Variants in KCNN2 observed in about 807,000 individuals in gnomAD.
KCNN2 encodes the protein small conductance calcium-activated potassium channel protein 2.
A neutral mutation model predicts 55.5 loss-of-function variants in KCNN2; 24 were observed. The ratio of observed to expected loss-of-function variants is 0.43; its 90% CI spans 0.31 to 0.61. The LOEUF (loss-of-function observed/expected upper bound fraction) is 0.61. KCNN2 is among the 20% of genes least tolerant of loss of function. KCNN2 has a pLI of 0.08. For synonymous variants in KCNN2, 431 were observed against 336.1 expected (o/e 1.28, Z -3.09); for missense variants, 754 against 853.6 (o/e 0.88, Z 1.45).
chr5:114,419,936 T>A (rs1358768631), intron 3 of KCNN2, among the ~76,000 whole-genome samples: 1 of 152,204 alleles, frequency 6.6e-6, no homozygotes, highest in Non-Finnish European at 1.5e-5. Context: ...AGTTTGAGGC[T>A]GCAATGAGCT....
intron 2 of KCNN2, among the ~76,000 whole-genome samples, chr5:114,365,803 G>T (rs1297199479): frequency 3.9e-5 from 6 of 152,162 alleles, no homozygotes; most frequent in Non-Finnish European, 7.3e-5. Flanking sequence ...GTTTTGTTTG[G>T]AGGACAGAGT....
Position 114,442,278 on chromosome 5 carries a change from G to GTATA in KCNN2, c.1638-20766_1638-20763dup, listed in dbSNP as rs137996066. On this transcript the variant is annotated intron_variant, in intron 3 of 7. Coordinates refer to ENST00000673685, the MANE Select transcript of KCNN2 (RefSeq NM_021614.4). ...TATATATAATTTTCATATATTTACT[G>GTATA]TATATATAGAGAGAGAGAGTCAATA... Among the ~76,000 whole-genome samples the GTATA allele has an allele frequency of 7.3e-5, 11 of 150,454 alleles. No homozygotes were observed. The South Asian group carries it at 2.3e-3, about 32-fold the overall frequency.
intron 3 of KCNN2, among the ~76,000 whole-genome samples, chr5:114,424,529 G>A (rs962115120): frequency 5.3e-5 from 8 of 152,246 alleles, no homozygotes; most frequent in Non-Finnish European, 7.3e-5. Flanking sequence ...AGACACTGGA[G>A]CAGGCCTAAA....
At chr5:114,346,234 G>A (rs1333422972) in intron 2 of KCNN2, among the ~76,000 whole-genome samples, 1 of 152,110 alleles carries the variant, frequency 6.6e-6, no homozygotes, top group South Asian at 2.1e-4. Context: ...CAAGCCATGC[G>A]ACGACAACAC....
chr5:114,304,360 G>A (rs1030054894), intron 2 of KCNN2, among the ~76,000 whole-genome samples: 3 of 152,158 alleles, frequency 2.0e-5, no homozygotes, highest in Non-Finnish European at 4.4e-5. Flanking sequence ...AACTTCTTTA[G>A]GCCTTTTGGC....
intron 4 of KCNN2, among the ~76,000 whole-genome samples, chr5:114,472,259 TCACAACTTGGAATGAGCA>T (rs1761779267): frequency 6.6e-6 from 1 of 152,124 alleles, no homozygotes; most frequent in East Asian, 1.9e-4. Flanking sequence ...CAGAAGACTC[TCACAACTTGGAATGAGCA>T]CACCTTGATC....
chr5:114,124,660 G>A (rs1330704324), intron 1 of KCNN2, among the ~76,000 whole-genome samples: 1 of 152,102 alleles, frequency 6.6e-6, no homozygotes, highest in East Asian at 1.9e-4. Context: ...CCTGGTCTTT[G>A]GAAGACAGTT....
intron 6 of KCNN2, 83 bp downstream of exon 6, chr5:114,487,260 A>G: frequency 4.8e-6 from 6 of 1,253,728 alleles, no homozygotes; most frequent in Non-Finnish European, 6.8e-6. Context: ...TTTCATAAGG[A>G]AGGAAAAAAG....
At chr5:114,366,436 G>GA (rs1757605180) in intron 2 of KCNN2, among the ~76,000 whole-genome samples, 2 of 152,072 alleles carry the variant, frequency 1.3e-5, no homozygotes. Flanking sequence ...TTTTTACTCG[G>GA]TGTATTATCT....
At chr5:114,272,125 C>G (rs535981029) in intron 2 of KCNN2, among the ~76,000 whole-genome samples, 1 of 152,070 alleles carries the variant, frequency 6.6e-6, no homozygotes, top group Non-Finnish European at 1.5e-5. Flanking sequence ...AAACACAATA[C>G]CTTCCCTCAA....
At chr5:114,173,295 GT>G (rs1306969135) in intron 1 of KCNN2, among the ~76,000 whole-genome samples, 1 of 152,006 alleles carries the variant, frequency 6.6e-6, no homozygotes, top group African/African-American at 2.4e-5. Context: ...CTATGTGTCT[GT>G]TTTTATGACA....
chr5:114,150,018 G>C (rs1264979403), intron 1 of KCNN2, among the ~76,000 whole-genome samples: 2 of 152,114 alleles, frequency 1.3e-5, no homozygotes, highest in African/African-American at 2.4e-5. Context: ...GCTTTTCTGG[G>C]ATAGGAATCT....
intron 1 of KCNN2, among the ~76,000 whole-genome samples, chr5:114,071,313 C>G (rs1750564645): frequency 6.6e-6 from 1 of 152,154 alleles, no homozygotes; most frequent in Admixed American, 6.5e-5. Context: ...TCACAGCTGC[C>G]TCAGAAGGGC....
chr5:114,105,075 C>T (rs1325916215), intron 1 of KCNN2, among the ~76,000 whole-genome samples: 1 of 151,964 alleles, frequency 6.6e-6, no homozygotes, highest in Non-Finnish European at 1.5e-5. Flanking sequence ...ATTATATACC[C>T]CAGGAAATGT....
At chr5:114,310,753 T>G (rs1247809531) in intron 2 of KCNN2, among the ~76,000 whole-genome samples, 3 of 152,150 alleles carry the variant, frequency 2.0e-5, no homozygotes, top group Admixed American at 2.0e-4. Context: ...TGCACTTTCC[T>G]GTGTATTAAG....
At chr5:114,176,165 G>C (rs1753127339) in intron 1 of KCNN2, among the ~76,000 whole-genome samples, 1 of 152,106 alleles carries the variant, frequency 6.6e-6, no homozygotes, top group Non-Finnish European at 1.5e-5. Flanking sequence ...AGAATCTTTA[G>C]CAGCATCCAT....
chr5:114,448,850 G>A (rs1442340500), intron 3 of KCNN2, among the ~76,000 whole-genome samples: 2 of 152,194 alleles, frequency 1.3e-5, no homozygotes, highest in African/African-American at 2.4e-5. Context: ...TGATAACTGC[G>A]TACTGTAGAT....
chr5:114,126,482 A>G lies in KCNN2; in HGVS notation c.-271+69982A>G, dbSNP rs116195074. Among the ~76,000 whole-genome samples, 418 of 152,216 alleles carry G rather than the reference A, an allele frequency of 2.7e-3. 3 individuals carry two copies. The highest frequency in any genetic ancestry group is 9.8e-3 in the African/African-American group (406 of 41,536). ...AAAATCATCAGATCTTGTGAGAACT[A>G]ACTCATTCTCATGAGAACAGGATGT... On this transcript the variant is annotated intron_variant, in intron 1 of 10. Transcript: ENST00000512097.
At chr5:114,187,970 A>C (rs1017222682) in intron 1 of KCNN2, among the ~76,000 whole-genome samples, 4 of 151,670 alleles carry the variant, frequency 2.6e-5, no homozygotes, top group African/African-American at 9.7e-5. Context: ...ACTCACCACC[A>C]CACCCAGCTA....
Sources: allele counts gnomAD v4.1 joint callset (sites outside exome capture counted in the v4.1 genomes callset), GRCh38; gene constraint gnomAD v4.1.1; transcripts MANE v1.5; gene names NCBI Gene and HGNC (gene_info 2026-07-23, HGNC 2026-07-21).